The following ARMC8 variants were observed in gnomAD, a reference collection of about 807,000 sequenced individuals.
ARMC8 encodes armadillo repeat containing 8, also known as armadillo repeat-containing protein 8.
A neutral mutation model predicts 99.3 loss-of-function variants in ARMC8; 20 were observed. The observed-to-expected ratio is 0.20, with a 90% CI of 0.14 to 0.29. The LOEUF is 0.29. Among genes scored for constraint, ARMC8 ranks in the 10% least tolerant of loss-of-function variants. The probability of loss-of-function intolerance (pLI) is 1.00; values close to 1 mark genes in which losing one functional copy is unlikely to be tolerated. For synonymous variants in ARMC8, 263 were observed against 278.3 expected (o/e 0.95, Z 0.55); for missense variants, 569 against 809.5 (o/e 0.70, Z 3.60).
intron 16 of ARMC8, among the ~76,000 whole-genome samples, chr3:138,272,291 C>G (rs772950864): frequency 6.6e-6 from 1 of 152,146 alleles, no homozygotes; most frequent in Non-Finnish European, 1.5e-5. Flanking sequence ...AAATCATTCT[C>G]AAAAGGCATG....
intron 11 of ARMC8, among the ~76,000 whole-genome samples, chr3:138,244,344 C>T (rs1199638036): frequency 6.6e-6 from 1 of 152,102 alleles, no homozygotes; most frequent in East Asian, 1.9e-4. Context: ...GTGGCGCGAT[C>T]TCGGCTCACT....
intron 12 of ARMC8, among the ~76,000 whole-genome samples, chr3:138,255,369 A>T (rs946313323): frequency 4.0e-5 from 6 of 151,598 alleles, no homozygotes; most frequent in African/African-American, 9.7e-5. Flanking sequence ...CACCCGGCTA[A>T]TTTTTTGTAT....
chr3:138,233,332 A>G (rs2046156684), intron 6 of ARMC8, among the ~76,000 whole-genome samples: 1 of 152,228 alleles, frequency 6.6e-6, no homozygotes, highest in Non-Finnish European at 1.5e-5. Flanking sequence ...ATGGATATGT[A>G]ACAATAACTA....
intron 1 of ARMC8, among the ~76,000 whole-genome samples, chr3:138,195,246 C>T (rs986009993): frequency 2.6e-5 from 4 of 151,248 alleles, no homozygotes; most frequent in African/African-American, 9.7e-5. Flanking sequence ...CCACTGCAGT[C>T]CGCAGTCCGG....
intron 18 of ARMC8, among the ~76,000 whole-genome samples, chr3:138,282,777 A>T (rs185133699): frequency 1.3e-5 from 2 of 152,228 alleles, no homozygotes; most frequent in Admixed American, 1.3e-4. Context: ...TAAAACATTG[A>T]CTGTCAACTC....
rs1560022164 is a variant in ARMC8 at position 138,270,143 on chromosome 3, C to G, written c.1479+11C>G. 3 of 1,553,900 alleles carry G rather than the reference C, an allele frequency of 1.9e-6. No homozygotes were observed. The East Asian group carries it at 6.7e-5, about 35-fold the overall frequency. On this transcript the variant is annotated intron_variant, in intron 16 of 21. Transcript: ENST00000469044. ...ATTTGGGCTTTAATGGTACGTTTCA[C>G]TTTTATATATATCATAACTTACAAA...
intron 2 of ARMC8, among the ~76,000 whole-genome samples, chr3:138,221,110 G>A (rs1359814200): frequency 6.6e-6 from 1 of 152,112 alleles, no homozygotes; most frequent in Non-Finnish European, 1.5e-5. Context: ...AGTGGTAGAG[G>A]TTCTCTTATT....
chr3:138,272,387 T>C (rs2048879489), intron 16 of ARMC8, among the ~76,000 whole-genome samples: 1 of 151,582 alleles, frequency 6.6e-6, no homozygotes, highest in South Asian at 2.1e-4. Context: ...TAAATGAGTT[T>C]TGTATTTATT....
At chr3:138,188,451 C>T in intron 1 of ARMC8, 1 of 1,607,534 alleles carries the variant, frequency 6.2e-7, no homozygotes, top group Non-Finnish European at 8.5e-7. Flanking sequence ...TGCTCTTGAA[C>T]CAGGACCAGG....
At chr3:138,268,790 A>T (rs532319689) in intron 15 of ARMC8, among the ~76,000 whole-genome samples, 1 of 142,362 alleles carries the variant, frequency 7.0e-6, no homozygotes, top group East Asian at 2.0e-4. Context: ...AATTAAAATT[A>T]AAAAAAAAAT....
At chr3:138,208,775 T>A (rs2044532566) in intron 1 of ARMC8, among the ~76,000 whole-genome samples, 1 of 152,290 alleles carries the variant, frequency 6.6e-6, no homozygotes, top group Admixed American at 6.5e-5. Flanking sequence ...TTAAATAATA[T>A]GAAGCATCAA....
At chr3:138,268,270 A>G (rs769572795) in intron 15 of ARMC8, among the ~76,000 whole-genome samples, 1 of 152,142 alleles carries the variant, frequency 6.6e-6, no homozygotes. Context: ...AAAAAACAAG[A>G]TGGAGGTTCA....
chr3:138,255,265 T>C (rs759709612), intron 12 of ARMC8, among the ~76,000 whole-genome samples: 81 of 148,164 alleles, frequency 5.5e-4, no homozygotes, highest in African/African-American at 1.6e-3. Flanking sequence ...TGCAGTGGCG[T>C]GATCTCGGCT....
chr3:138,292,945 A>G (rs943008106), intron 21 of ARMC8, among the ~76,000 whole-genome samples: 5 of 152,170 alleles, frequency 3.3e-5, no homozygotes, highest in African/African-American at 1.2e-4. Context: ...AAACAAAGGA[A>G]AAAGATGCCT....
chr3:138,231,588 C>T (rs907859031), intron 6 of ARMC8, among the ~76,000 whole-genome samples: 2 of 152,112 alleles, frequency 1.3e-5, no homozygotes, highest in African/African-American at 4.8e-5. Flanking sequence ...TAAGTATTTA[C>T]TCAGATTTCT....
At chr3:138,241,342 C>T (rs143036795) in intron 10 of ARMC8, among the ~76,000 whole-genome samples, 42 of 152,196 alleles carry the variant, frequency 2.8e-4, no homozygotes, top group Non-Finnish European at 5.4e-4. Flanking sequence ...AAAAAATAAA[C>T]GATATTACTC....
chr3:138,244,234 A>G (rs2046772235), intron 11 of ARMC8, among the ~76,000 whole-genome samples: 1 of 152,028 alleles, frequency 6.6e-6, no homozygotes, highest in Non-Finnish European at 1.5e-5. Context: ...GCATTTTCAC[A>G]ATGGGTTCTC....
At chr3:138,287,215 C>A (rs1026344766) in intron 19 of ARMC8, among the ~76,000 whole-genome samples, 20 of 152,210 alleles carry the variant, frequency 1.3e-4, no homozygotes, top group Non-Finnish European at 2.6e-4. Context: ...AGAATGAAAT[C>A]CAGAGTCCTT....
At chr3:138,261,791 A>AC (rs2047771384) in intron 12 of ARMC8, 1 of 152,316 alleles carries the variant, frequency 6.6e-6, no homozygotes, top group African/African-American at 2.4e-5. Context: ...AGCTTGAAGT[A>AC]CCCAACCTTG....
Sources: gnomAD v4.1 joint callset for allele counts (sites outside exome capture counted in the v4.1 genomes callset) on GRCh38, gnomAD v4.1.1 for gene constraint, MANE v1.5 for transcripts, NCBI Gene and HGNC (gene_info 2026-07-23, HGNC 2026-07-21) for gene names.